TAB2: variants seen among roughly 807,000 people sequenced by gnomAD.
TAB2 encodes the protein TGF-beta-activated kinase 1 and MAP3K7-binding protein 2.
A neutral mutation model predicts 65.0 loss-of-function variants in TAB2; 3 were observed. The observed-to-expected ratio is 0.05, with a 90% CI of 0.02 to 0.12. The LOEUF (loss-of-function observed/expected upper bound fraction) is 0.12, where lower values mean the gene tolerates loss of function less well. TAB2 is among the 10% of genes least tolerant of loss of function. The pLI is 1.00. For synonymous variants in TAB2, 298 were observed against 285.1 expected (o/e 1.05, Z -0.46); for missense variants, 623 against 840.3 (o/e 0.74, Z 3.20).
intron 1 of TAB2, among the ~76,000 whole-genome samples, chr6:149,301,581 C>T (rs1778973823): frequency 6.6e-6 from 1 of 152,204 alleles, no homozygotes; most frequent in South Asian, 2.1e-4. Flanking sequence ...CTTGTAGGTG[C>T]TAACTCAATG....
intron 1 of TAB2, chr6:149,246,315 T>TTTCAAATTGTG: frequency 6.6e-6 from 1 of 152,218 alleles, no homozygotes; most frequent in East Asian, 1.9e-4. Context: ...AGGCCTAAAA[T>TTTCAAATTGTG]TTCAAATTGT....
intron 1 of TAB2, among the ~76,000 whole-genome samples, chr6:149,277,904 T>C (rs909041897): frequency 3.9e-5 from 6 of 152,148 alleles, no homozygotes; most frequent in Admixed American, 3.3e-4. Context: ...GAGGTAGTTT[T>C]AGAGACATGA....
intron 1 of TAB2, among the ~76,000 whole-genome samples, chr6:149,334,291 C>A (rs979340773): frequency 6.6e-6 from 1 of 152,096 alleles, no homozygotes; most frequent in Non-Finnish European, 1.5e-5. Context: ...CTCACTACAG[C>A]GTATCTCTAC....
chr6:149,345,756 C>CT (rs1416109916), intron 1 of TAB2, among the ~76,000 whole-genome samples: 1 of 152,000 alleles, frequency 6.6e-6, no homozygotes, highest in Non-Finnish European at 1.5e-5. Flanking sequence ...TTTTTAAAAG[C>CT]TTTTTAATAT....
At chr6:149,377,390 T>C (rs1690101793) in intron 2 of TAB2, among the ~76,000 whole-genome samples, 1 of 151,580 alleles carries the variant, frequency 6.6e-6, no homozygotes, top group Admixed American at 6.6e-5. Flanking sequence ...AGTAGATTTT[T>C]ATGATGTTAT....
chr6:149,263,584 A>G (rs140554551), intron 1 of TAB2, among the ~76,000 whole-genome samples: 1,886 of 152,336 alleles, frequency 0.012, 20 homozygotes, highest in Non-Finnish European at 0.017. Context: ...CAAACCATAC[A>G]AGGTTGGTAA....
At chr6:149,382,963 CCAACATGGTGAAA>C (rs768280296) in intron 3 of TAB2, among the ~76,000 whole-genome samples, 14 of 152,028 alleles carry the variant, frequency 9.2e-5, no homozygotes, top group Non-Finnish European at 1.6e-4. Context: ...ACCATGCTGG[CCAACATGGTGAAA>C]CAACATGGTA....
At chr6:149,252,357 G>A (rs981114498) in intron 1 of TAB2, among the ~76,000 whole-genome samples, 2 of 146,860 alleles carry the variant, frequency 1.4e-5, no homozygotes, top group East Asian at 2.0e-4. Context: ...CTGAGATCAC[G>A]CCATTGCACT....
intron 1 of TAB2, chr6:149,321,263 A>G (rs1349501379): frequency 6.6e-6 from 1 of 152,206 alleles, no homozygotes; most frequent in Non-Finnish European, 1.5e-5. Flanking sequence ...AAATGTATGC[A>G]TGTTCATATG....
At chr6:149,405,435 CAA>C (rs1473586747) in intron 6 of TAB2, among the ~76,000 whole-genome samples, 3 of 152,154 alleles carry the variant, frequency 2.0e-5, no homozygotes, top group Admixed American at 1.3e-4. Flanking sequence ...GTAAGTATCT[CAA>C]AGAGATATCT....
At chr6:149,281,841 T>C (rs1055808355) in intron 1 of TAB2, among the ~76,000 whole-genome samples, 2 of 151,934 alleles carry the variant, frequency 1.3e-5, no homozygotes, top group Non-Finnish European at 2.9e-5. Flanking sequence ...AACAATATGT[T>C]TCCTACAAAA....
intron 1 of TAB2, among the ~76,000 whole-genome samples, chr6:149,355,094 A>G (rs572527286): frequency 2.6e-5 from 4 of 152,150 alleles, no homozygotes; most frequent in Admixed American, 2.6e-4. Context: ...TTAATTAAAG[A>G]TCATTATTTT....
At chr6:149,323,759 G>C (rs1299723567) in intron 1 of TAB2, among the ~76,000 whole-genome samples, 1 of 152,060 alleles carries the variant, frequency 6.6e-6, no homozygotes, top group Non-Finnish European at 1.5e-5. Flanking sequence ...ATATTTCTTG[G>C]ATTTTTAAAA....
chr6:149,327,514 G>A (rs1040543865), intron 1 of TAB2, among the ~76,000 whole-genome samples: 7 of 152,152 alleles, frequency 4.6e-5, no homozygotes, highest in East Asian at 1.9e-4. Flanking sequence ...AAACATGAGC[G>A]TCTGCTGTTC....
chr6:149,298,274 T>C (rs1306872256), intron 1 of TAB2, among the ~76,000 whole-genome samples: 1 of 147,490 alleles, frequency 6.8e-6, no homozygotes, highest in Non-Finnish European at 1.5e-5. Context: ...TTTTAAATCA[T>C]TAGAAGAAAA....
At chr6:149,334,684 AAAAAAAG>A (rs1779881897) in intron 1 of TAB2, among the ~76,000 whole-genome samples, 1 of 152,082 alleles carries the variant, frequency 6.6e-6, no homozygotes, top group Non-Finnish European at 1.5e-5. Context: ...CTTAAAAAAA[AAAAAAAG>A]AAAACCTTAA....
At chr6:149,407,167 G>A (rs996322171) in intron 6 of TAB2, among the ~76,000 whole-genome samples, 1 of 152,236 alleles carries the variant, frequency 6.6e-6, no homozygotes, top group African/African-American at 2.4e-5. Flanking sequence ...TCAGAGACTA[G>A]ATGCTATTTG....
At chr6:149,247,897 C>T (rs539289605) in intron 1 of TAB2, 1 of 152,052 alleles carries the variant, frequency 6.6e-6, no homozygotes, top group Non-Finnish European at 1.5e-5. Context: ...ACATCACACA[C>T]GAGGGCCTGT....
intron 1 of TAB2, among the ~76,000 whole-genome samples, chr6:149,312,680 C>T (rs80263957): frequency 1.3e-5 from 2 of 152,132 alleles, no homozygotes; most frequent in East Asian, 1.9e-4. Flanking sequence ...GTTTTGAAAC[C>T]GCTAAAATTC....
Sources: allele counts gnomAD v4.1 joint callset (sites outside exome capture counted in the v4.1 genomes callset), GRCh38; gene constraint gnomAD v4.1.1; transcripts MANE v1.5; gene names NCBI Gene and HGNC (gene_info 2026-07-23, HGNC 2026-07-21).